CDH9: variants seen among roughly 807,000 people sequenced by gnomAD.
The protein encoded by CDH9 is cadherin 9, also known as cadherin-9.
In CDH9, 28 loss-of-function variants were observed where a neutral mutation model predicts 70.9. The ratio of observed to expected loss-of-function variants is 0.40; its 90% CI spans 0.29 to 0.54. The LOEUF (loss-of-function observed/expected upper bound fraction) is 0.54, where lower values mean the gene tolerates loss of function less well. Ranked by LOEUF, CDH9 falls within the 20% of genes least tolerant of loss-of-function variation. The pLI, the probability that CDH9 is intolerant of heterozygous loss-of-function variation, is 0.59. For missense variants in CDH9, 874 were observed against 984.4 expected (o/e 0.89, Z 1.50); for synonymous variants, 409 against 343.1 (o/e 1.19, Z -2.12).
chr5:26,918,775 A>G (rs78696373), intron 2 of CDH9, among the ~76,000 whole-genome samples: 1 of 152,196 alleles, frequency 6.6e-6, no homozygotes, highest in African/African-American at 2.4e-5. Context: ...GTGGAACTCA[A>G]TACCATATAT....
chr5:26,978,039 A>C (rs1742331961), intron 2 of CDH9, among the ~76,000 whole-genome samples: 1 of 152,074 alleles, frequency 6.6e-6, no homozygotes, highest in Non-Finnish European at 1.5e-5. Context: ...CATCCAGTGC[A>C]ATTTTACTTC....
In CDH9 at chr5:26,915,927, T is replaced by G; in HGVS notation, c.229-3A>C. 6.3e-7 allele frequency: 1 copy of G among 1,578,322 alleles called. No homozygotes were observed. ...CCTTTATCTTGGTCAGTGTGAAGCT[T>G]TAGAGAGGTAGAAAAGAAGAGTTCT... On this transcript the variant is annotated splice_polypyrimidine_tract_variant and splice_region_variant and intron_variant, in intron 2 of 11. Transcript: ENST00000231021.
chr5:26,907,956 T>C (rs933817861), intron 3 of CDH9, among the ~76,000 whole-genome samples: 10 of 152,172 alleles, frequency 6.6e-5, no homozygotes, highest in Non-Finnish European at 1.2e-4. Context: ...GTTTCTCAAA[T>C]GTTGCGTGTA....
At chr5:26,937,262 T>C (rs1415037026) in intron 2 of CDH9, among the ~76,000 whole-genome samples, 2 of 151,982 alleles carry the variant, frequency 1.3e-5, no homozygotes, top group Non-Finnish European at 2.9e-5. Context: ...AATAAGCATA[T>C]CAAAAATGTG....
chr5:26,919,981 T>C (rs890498462), intron 2 of CDH9, among the ~76,000 whole-genome samples: 2 of 151,972 alleles, frequency 1.3e-5, no homozygotes, highest in Admixed American at 6.6e-5. Flanking sequence ...GTGGTGGTCG[T>C]GGGAAGAGAA....
At chr5:26,998,268 G>A (rs553317833) in intron 1 of CDH9, among the ~76,000 whole-genome samples, 1 of 152,202 alleles carries the variant, frequency 6.6e-6, no homozygotes, top group Admixed American at 6.5e-5. Flanking sequence ...TCTGTAGGTT[G>A]CCTATTCACT....
intron 2 of CDH9, among the ~76,000 whole-genome samples, chr5:26,947,391 C>T (rs1741772577): frequency 6.6e-6 from 1 of 152,136 alleles, no homozygotes; most frequent in Non-Finnish European, 1.5e-5. Context: ...TCCCACAAGA[C>T]TCTTATAATC....
At chr5:27,004,040 A>T (rs1001518957) in intron 1 of CDH9, among the ~76,000 whole-genome samples, 2 of 151,376 alleles carry the variant, frequency 1.3e-5, no homozygotes, top group Non-Finnish European at 2.9e-5. Context: ...AGAATAAAGC[A>T]AGTTGAGTGG....
At chr5:26,911,903 A>T (rs1172545463) in intron 3 of CDH9, among the ~76,000 whole-genome samples, 1 of 152,120 alleles carries the variant, frequency 6.6e-6, no homozygotes, top group Non-Finnish European at 1.5e-5. Flanking sequence ...TATGATTGTG[A>T]CAGACAGAAA....
chr5:26,951,509 G>A (rs62346441), intron 2 of CDH9, among the ~76,000 whole-genome samples: 10,267 of 151,896 alleles, frequency 0.068, 414 homozygotes, highest in Middle Eastern at 0.16. Context: ...GGAAAACGTC[G>A]CATAAGCTAT....
intron 2 of CDH9, among the ~76,000 whole-genome samples, chr5:26,929,174 A>T (rs1323439841): frequency 6.6e-6 from 1 of 152,192 alleles, no homozygotes; most frequent in Non-Finnish European, 1.5e-5. Context: ...TTAAAAATGG[A>T]CAAAATATCT....
chr5:26,890,649 A>T (rs1479455788), intron 7 of CDH9, 85 bp from the exon 8 acceptor site: 7 of 923,612 alleles, frequency 7.6e-6, no homozygotes, highest in East Asian at 4.9e-5. Flanking sequence ...TAATTTCCAC[A>T]ATGATCTGAC....
At chr5:26,957,915 TA>T (rs1741973293) in intron 2 of CDH9, among the ~76,000 whole-genome samples, 1 of 152,166 alleles carries the variant, frequency 6.6e-6, no homozygotes, top group African/African-American at 2.4e-5. Context: ...ACTTCTGATT[TA>T]AAATGACAGA....
At chr5:26,919,434 C>T (rs1741203785) in intron 2 of CDH9, among the ~76,000 whole-genome samples, 1 of 152,128 alleles carries the variant, frequency 6.6e-6, no homozygotes, top group African/African-American at 2.4e-5. Context: ...GCCAGCAAGT[C>T]CTGCTACCAT....
rs1740447157 is a variant in CDH9, at chr5:26,880,836, T to A, written c.*300A>T. The A allele has an allele frequency of 4.8e-6, 1 of 206,750 alleles. No homozygotes were observed. Among genetic ancestry groups the A allele is most frequent in the Non-Finnish European group, 9.6e-6 (1 of 103,856 alleles). The allele number at this position is 206,750 out of a possible 1,614,324, so 12.8% of individuals were successfully genotyped here. A position where few individuals can be genotyped will look rare whatever the true frequency, so the allele number is the denominator to read the frequency against. Reference sequence around the variant, plus strand: ...TTAAGAAAACATTTATAAATTATTATACCTAAGAAAAGGCACAAAAAGCCT... The same window carrying A: ...TTAAGAAAACATTTATAAATTATTAAACCTAAGAAAAGGCACAAAAAGCCT... On this transcript the variant is annotated 3_prime_UTR_variant, in exon 12 of 12. Coordinates refer to ENST00000231021, the MANE Select transcript of CDH9 (RefSeq NM_016279.4).
intron 2 of CDH9, among the ~76,000 whole-genome samples, chr5:26,916,880 A>G (rs1741158665): frequency 6.6e-6 from 1 of 152,002 alleles, no homozygotes; most frequent in African/African-American, 2.4e-5. Flanking sequence ...ATTTCAAGTA[A>G]TATAAAACTC....
chr5:26,903,485 G>A, intron 6 of CDH9, 152 bp downstream of exon 6: 2 of 727,608 alleles, frequency 2.7e-6, no homozygotes, highest in Non-Finnish European at 5.0e-6. Context: ...TAACTTGCTT[G>A]AAGTGATATC....
chr5:26,932,130 T>TTC (rs1401880464), intron 2 of CDH9, among the ~76,000 whole-genome samples: 3 of 151,580 alleles, frequency 2.0e-5, no homozygotes, highest in Admixed American at 6.6e-5. Context: ...TGAATATCAT[T>TTC]TTTTTATTAT....
chr5:26,992,193 C>T (rs1742589156), intron 1 of CDH9, among the ~76,000 whole-genome samples: 1 of 152,136 alleles, frequency 6.6e-6, no homozygotes, highest in Non-Finnish European at 1.5e-5. Context: ...GGTGGTAATG[C>T]TCTCCTGCCT....
Sources: allele counts gnomAD v4.1 joint callset (sites outside exome capture counted in the v4.1 genomes callset), GRCh38; gene constraint gnomAD v4.1.1; transcripts MANE v1.5; gene names NCBI Gene and HGNC (gene_info 2026-07-23, HGNC 2026-07-21).